CDIP1: variants seen among roughly 807,000 people sequenced by gnomAD.
The protein encoded by CDIP1 is cell death inducing p53 target 1, also known as cell death-inducing p53-target protein 1.
Under a neutral mutation model 17.7 loss-of-function variants are expected in CDIP1, and 9 were observed. The ratio of observed to expected loss-of-function variants is 0.51; its 90% CI spans 0.31 to 0.89. CDIP1 has a LOEUF of 0.89. Ranked by LOEUF, CDIP1 falls within the 40% of genes least tolerant of loss-of-function variation. The probability of loss-of-function intolerance (pLI) is 0.05; values close to 1 mark genes in which losing one functional copy is unlikely to be tolerated. For missense variants in CDIP1, 263 were observed against 277.9 expected (o/e 0.95, Z 0.38); for synonymous variants, 117 against 109.5 (o/e 1.07, Z -0.43).
rs146264087 is a variant in CDIP1 at position 4,531,036 on chromosome 16, T to C, written c.-105+7666A>G. On this transcript the variant is annotated intron_variant, in intron 1 of 5. Coordinates refer to ENST00000567695, the MANE Select transcript of CDIP1 (RefSeq NM_013399.3). Reference sequence around the variant, plus strand: ...ATTGGGACTGCCATCTGCTTGGCCATGTATATATTTCTCTATGACTCAGAC... The same window carrying C: ...ATTGGGACTGCCATCTGCTTGGCCACGTATATATTTCTCTATGACTCAGAC... 1.8e-4 allele frequency among the ~76,000 whole-genome samples: 27 copies of C among 151,852 alleles called. 1 individual carries two copies. The highest frequency in any genetic ancestry group is 6.0e-4 in the African/African-American group (25 of 41,394).
chr16:4,536,501 T>C (rs895353059), intron 1 of CDIP1: 1 of 152,222 alleles, frequency 6.6e-6, no homozygotes, highest in African/African-American at 2.4e-5. Flanking sequence ...GCCAACGTGA[T>C]CTGCTGGGGC....
intron 1 of CDIP1, among the ~76,000 whole-genome samples, chr16:4,517,055 T>C (rs191836580): frequency 6.6e-6 from 1 of 152,328 alleles, no homozygotes; most frequent in East Asian, 1.9e-4. Context: ...CCCTACTTGC[T>C]GCTTTCATGA....
chr16:4,532,446 C>G (rs1048864992), intron 1 of CDIP1: 2 of 152,346 alleles, frequency 1.3e-5, no homozygotes, highest in Non-Finnish European at 2.9e-5. Context: ...CACAGGGCTG[C>G]AGTTGTCACC....
At chr16:4,530,243 G>A (rs1402357635) in intron 1 of CDIP1, among the ~76,000 whole-genome samples, 4 of 152,246 alleles carry the variant, frequency 2.6e-5, no homozygotes, top group Admixed American at 2.0e-4. Flanking sequence ...ATAGCATATG[G>A]AAATTAGTTA....
intron 1 of CDIP1, among the ~76,000 whole-genome samples, chr16:4,525,006 C>T (rs573425531): frequency 2.0e-4 from 31 of 152,176 alleles, no homozygotes; most frequent in Admixed American, 1.4e-3. Context: ...GAGGCTGAGG[C>T]GGGAGGATTG....
In CDIP1 at chr16:4,511,192, T is replaced by G. The variant is rs990840037; in HGVS notation, c.*1380A>C. The G allele has an allele frequency of 6.6e-6, 1 of 152,516 alleles. No homozygotes were observed. Among genetic ancestry groups the G allele is most frequent in the Non-Finnish European group, 1.5e-5 (1 of 68,090 alleles). 9.4% of individuals were successfully genotyped at this position (152,516 alleles called of 1,614,324 possible). On this transcript the variant is annotated 3_prime_UTR_variant, in exon 6 of 6. Coordinates refer to ENST00000567695, the MANE Select transcript of CDIP1 (RefSeq NM_013399.3). ...TACGTGTTGGTGTTGTCCCAGGCAG[T>G]TGGCATGGCATCAGCACTGAGGGTG...
chr16:4,514,050 G>C lies in CDIP1; in HGVS notation c.81C>G (p.Thr27=). 6.6e-7 allele frequency: 1 copy of C among 1,509,260 alleles called. No individual in the cohort carries two copies. The highest frequency in any genetic ancestry group is 8.8e-7 in the Non-Finnish European group (1 of 1,132,982). 93.5% of individuals were successfully genotyped at this position (1,509,260 alleles called of 1,614,324 possible). ...LLEEKSGAPP[T]PGRSSPAVMQ... ...TCAGGAACAGTGACCCCCTACCTGG[G>C]GTGGGCGGGGCTCCACTTTTCTCTT... Residue 27 remains threonine, a synonymous_variant, in exon 3 of 6, where the codon ACC becomes ACG. Transcript: ENST00000567695. The surrounding 1 kb of genome is among the most constrained non-coding windows in gnomAD (Gnocchi z 5.2).
chr16:4,518,554 CT>C (rs1236638599), intron 1 of CDIP1, among the ~76,000 whole-genome samples: 1 of 152,214 alleles, frequency 6.6e-6, no homozygotes, highest in Non-Finnish European at 1.5e-5. Context: ...CCCCTCACCC[CT>C]CCATATCCAC....
chr16:4,515,901 A>C (rs908942027), intron 1 of CDIP1, among the ~76,000 whole-genome samples: 1 of 152,208 alleles, frequency 6.6e-6, no homozygotes, highest in Admixed American at 6.5e-5. Context: ...TAGAGTTACC[A>C]GATGACCCAG....
At chr16:4,523,290 C>T (rs1306032316) in intron 1 of CDIP1, among the ~76,000 whole-genome samples, 3 of 152,084 alleles carry the variant, frequency 2.0e-5, no homozygotes, top group Non-Finnish European at 2.9e-5. Context: ...CTGAGGAGGG[C>T]GGATTACGAG....
chr16:4,511,438 G>C lies in CDIP1; in HGVS notation c.*1134C>G, dbSNP rs2058827580. 6.5e-6 allele frequency: 1 copy of C among 152,760 alleles called. No individual in the cohort carries two copies. Among genetic ancestry groups the C allele is most frequent in the African/African-American group, 2.4e-5 (1 of 41,468 alleles). The allele number at this position is 152,760 out of a possible 1,614,324, so 9.5% of individuals were successfully genotyped here. A position where few individuals can be genotyped will look rare whatever the true frequency, so the allele number is the denominator to read the frequency against. On this transcript the variant is annotated 3_prime_UTR_variant, in exon 6 of 6. Transcript: ENST00000567695. ...GCGAGACCAGGAAGGACAGTGGCAG[G>C]ATACAGTGGTCCAGGTGAGCAAGTT...
chr16:4,537,225 T>C (rs1237306419), intron 1 of CDIP1, among the ~76,000 whole-genome samples: 1 of 152,206 alleles, frequency 6.6e-6, no homozygotes, highest in Admixed American at 6.5e-5. Context: ...TGGACAAATA[T>C]GTGATGAAAT....
Position 4,512,558 on chromosome 16 carries a change from G to A in CDIP1, c.*14C>T, listed in dbSNP as rs754120025. 23 of 1,593,110 alleles carry A rather than the reference G, an allele frequency of 1.4e-5. No homozygotes were observed. Among genetic ancestry groups the A allele is most frequent in the Middle Eastern group, 3.3e-4 (2 of 6,034 alleles). ...CCAGACTGACAGGCGGGGGAGTCCC[G>A]AGTCCCAGCTCCGTTAGCACAGGCG... On this transcript the variant is annotated 3_prime_UTR_variant, in exon 6 of 6. Coordinates refer to ENST00000567695, the MANE Select transcript of CDIP1 (RefSeq NM_013399.3). The surrounding 1 kb of genome is among the most constrained non-coding windows in gnomAD (Gnocchi z 4.6).
intron 1 of CDIP1, among the ~76,000 whole-genome samples, chr16:4,528,922 G>A (rs1373358342): frequency 6.6e-6 from 1 of 152,194 alleles, no homozygotes; most frequent in Non-Finnish European, 1.5e-5. Context: ...CCAGGAGGCA[G>A]AGGTTGCAGT....
intron 1 of CDIP1, among the ~76,000 whole-genome samples, chr16:4,526,149 G>A (rs114437509): frequency 0.067 from 10,254 of 152,202 alleles, 618 homozygotes; most frequent in African/African-American, 0.16. Flanking sequence ...GCTCATGCCT[G>A]TAATTACGGC....
chr16:4,520,175 A>G (rs1001643787), intron 1 of CDIP1, among the ~76,000 whole-genome samples: 13 of 151,392 alleles, frequency 8.6e-5, no homozygotes, highest in African/African-American at 3.2e-4. Context: ...GCAGTGGCGC[A>G]ATCTTGGCTC....
rs1018936557 is a variant in CDIP1, at chr16:4,530,011, G to T, written c.-105+8691C>A. Among the ~76,000 whole-genome samples, 6 of 152,344 alleles carry T rather than the reference G, an allele frequency of 3.9e-5. No homozygotes were observed. In the South Asian group the frequency reaches 1.2e-3, roughly 32 times the overall value. On this transcript the variant is annotated intron_variant, in intron 1 of 5. Transcript: ENST00000567695. ...ACCTCTAGGCTTTCTTCCTCCAAAT[G>T]TGTCAGTCACCATACATACCTGTAC...
At position 4,522,085 on chromosome 16, in the gene CDIP1, C is replaced by T. The variant is rs1037415077; in HGVS notation, c.-104-7421G>A. The stretch of plus-strand genomic sequence containing the variant: ...TATGACTACAAGGGGATGCCTCTAC[C>T]GGATTCTGGAGGGACTTGCAATCAA... On this transcript the variant is annotated intron_variant, in intron 1 of 5. Transcript: ENST00000567695. 6.6e-5 allele frequency among the ~76,000 whole-genome samples: 10 copies of T among 152,294 alleles called. No homozygotes were observed. In the East Asian group the frequency reaches 1.9e-3, roughly 29 times the overall value.
intron 1 of CDIP1, among the ~76,000 whole-genome samples, chr16:4,520,436 C>T (rs533855893): frequency 6.6e-6 from 1 of 152,212 alleles, no homozygotes; most frequent in Non-Finnish European, 1.5e-5. Context: ...TTAGTTGCCA[C>T]AGGAATTGGA....
Sources: allele counts gnomAD v4.1 joint callset (sites outside exome capture counted in the v4.1 genomes callset), GRCh38; gene constraint gnomAD v4.1.1; non-coding constraint Gnocchi (gnomAD v3.1); transcripts MANE v1.5; gene names NCBI Gene and HGNC (gene_info 2026-07-23, HGNC 2026-07-21).